The following GNAI3 variants were observed in gnomAD, a reference collection of about 807,000 sequenced individuals.
The protein encoded by GNAI3 is guanine nucleotide-binding protein G(i) subunit alpha-3.
GNAI3 carries 12 observed loss-of-function variants against 41.8 expected under a neutral mutation model. The observed-to-expected ratio is 0.29, with a 90% CI of 0.18 to 0.47. The LOEUF is 0.47. Ranked by LOEUF, GNAI3 falls within the 20% of genes least tolerant of loss-of-function variation. The pLI is 1.00. For synonymous variants in GNAI3, 132 were observed against 146.5 expected (o/e 0.90, Z 0.71); for missense variants, 360 against 429.6 (o/e 0.84, Z 1.43).
intron 1 of GNAI3, among the ~76,000 whole-genome samples, chr1:109,557,174 G>T (rs1648175338): frequency 6.6e-6 from 1 of 152,122 alleles, no homozygotes; most frequent in Non-Finnish European, 1.5e-5. Context: ...GGCCTAAAGT[G>T]ATCTACCCGC....
intron 1 of GNAI3, among the ~76,000 whole-genome samples, chr1:109,551,815 T>G (rs1647987704): frequency 6.6e-6 from 1 of 152,162 alleles, no homozygotes; most frequent in African/African-American, 2.4e-5. Context: ...TTACAGACAC[T>G]TCAGTATTGT....
intron 1 of GNAI3, among the ~76,000 whole-genome samples, chr1:109,555,075 A>G (rs978861287): frequency 1.3e-5 from 2 of 152,242 alleles, no homozygotes; most frequent in Non-Finnish European, 2.9e-5. Flanking sequence ...ATGGATGGGT[A>G]GAATCAATAT....
In GNAI3 at chr1:109,561,528, AG is replaced by A. The variant is rs554221482; in HGVS notation, c.119-12207del. Among the ~76,000 whole-genome samples the A allele has an allele frequency of 2.0e-3, 302 of 152,332 alleles. 2 individuals carry two copies. Among genetic ancestry groups the A allele is most frequent in the Non-Finnish European group, 3.3e-3 (223 of 68,030 alleles). ...CAGGATACACCATTGCATTTAGTCA[AG>A]GCTACTTTTTATTAAGCTTTTTGGT... On this transcript the variant is annotated intron_variant, in intron 1 of 8. Transcript: ENST00000369851.
chr1:109,591,685 CCT>C (rs1649176432), intron 7 of GNAI3: 2 of 399,046 alleles, frequency 5.0e-6, no homozygotes, highest in African/African-American at 2.1e-5. Context: ...AGGAACACAG[CCT>C]CTCTCAGACC....
At chr1:109,565,186 C>A (rs989566733) in intron 1 of GNAI3, among the ~76,000 whole-genome samples, 2 of 151,664 alleles carry the variant, frequency 1.3e-5, no homozygotes, top group Non-Finnish European at 1.5e-5. Flanking sequence ...TCACTTGAAC[C>A]CGGGCAGCAG....
At chr1:109,586,958 G>T in intron 7 of GNAI3, 76 bp downstream of exon 7, 9 of 967,310 alleles carry the variant, frequency 9.3e-6, no homozygotes, top group East Asian at 2.5e-5. Context: ...TCATAAAACT[G>T]CCTTTTTTTT....
chr1:109,598,963 T>C lies in GNAI3; in HGVS notation c.*6641T>C. Reference sequence around the variant, plus strand: ...CCTTCACCACCTTCTCCACCCAGCATGGCCGGCACACTTTGGTCTACGGCA... The same window carrying C: ...CCTTCACCACCTTCTCCACCCAGCACGGCCGGCACACTTTGGTCTACGGCA... On this transcript the variant is annotated 3_prime_UTR_variant, in exon 9 of 9. Transcript: ENST00000369851. 1.9e-6 allele frequency: 1 copy of C among 534,962 alleles called. No homozygotes were observed. The highest frequency in any genetic ancestry group is 1.4e-5 in the South Asian group (1 of 71,796). 33.1% of individuals were successfully genotyped at this position (534,962 alleles called of 1,614,324 possible).
chr1:109,552,468 C>G (rs1648004118), intron 1 of GNAI3, among the ~76,000 whole-genome samples: 1 of 151,996 alleles, frequency 6.6e-6, no homozygotes, highest in Non-Finnish European at 1.5e-5. Context: ...AGATGGGGGT[C>G]TCATTATGTT....
Position 109,582,744 on chromosome 1 carries a change from C to T in GNAI3, c.590+179C>T, listed in dbSNP as rs114926114. The stretch of plus-strand genomic sequence containing the variant: ...GGGGCCCAAACATCTCTTGTTTCTC[C>T]AAATAGCGTCAAATGTTTGTGTCCT... On this transcript the variant is annotated intron_variant, in intron 5 of 8. Coordinates refer to ENST00000369851, the MANE Select transcript of GNAI3 (RefSeq NM_006496.4). Among the ~76,000 whole-genome samples, 1,170 of 152,224 alleles carry T rather than the reference C, an allele frequency of 7.7e-3. 13 individuals carry two copies. Among genetic ancestry groups the T allele is most frequent in the African/African-American group, 0.027 (1,115 of 41,552 alleles).
intron 1 of GNAI3, among the ~76,000 whole-genome samples, chr1:109,558,539 C>A (rs867497754): frequency 6.6e-5 from 10 of 152,076 alleles, no homozygotes; most frequent in South Asian, 2.1e-4. Flanking sequence ...ATTTAATTAC[C>A]TTTGATTTTA....
intron 1 of GNAI3, among the ~76,000 whole-genome samples, chr1:109,568,680 A>G (rs1486560256): frequency 2.0e-5 from 3 of 152,032 alleles, no homozygotes; most frequent in Non-Finnish European, 2.9e-5. Context: ...ATAAACACAG[A>G]TGATTTTCTT....
At chr1:109,568,309 G>A (rs1238510743) in intron 1 of GNAI3, among the ~76,000 whole-genome samples, 24 of 152,010 alleles carry the variant, frequency 1.6e-4, no homozygotes, top group Admixed American at 1.2e-3. Flanking sequence ...TGAGGCGGGA[G>A]GATTGCTTGA....
rs146129509 is a variant in GNAI3, at chr1:109,573,984, A to G, written c.250A>G (p.Ile84Val). 1.2e-6 allele frequency: 2 copies of G among 1,611,824 alleles called. No homozygotes were observed. Among genetic ancestry groups the G allele is most frequent in the East Asian group, 2.2e-5 (1 of 44,860 alleles). ...YSNTIQSIIA[I>V]IRAMGRLKID... ...CAATACTATACAGTCCATCATTGCA[A>G]TCATAAGAGCCATGGGACGGCTAAA... is the stretch of plus-strand genomic sequence containing the variant. The change falls in exon 3 of 9, where the codon ATC becomes GTC. Residue 84 changes from isoleucine to valine, a missense_variant. Ile to Val is a conservative substitution (Grantham distance 29). Transcript: ENST00000369851.
intron 5 of GNAI3, among the ~76,000 whole-genome samples, chr1:109,585,426 A>G (rs1255350044): frequency 6.6e-6 from 1 of 152,226 alleles, no homozygotes; most frequent in African/African-American, 2.4e-5. Context: ...AGGTTTAAGT[A>G]AGACTCGGAG....
chr1:109,577,208 CATTT>C (rs903219465), intron 3 of GNAI3, among the ~76,000 whole-genome samples: 8 of 149,300 alleles, frequency 5.4e-5, no homozygotes, highest in East Asian at 2.0e-4. Flanking sequence ...TTTTCTCATT[CATTT>C]GTTTAAAATT....
intron 1 of GNAI3, among the ~76,000 whole-genome samples, chr1:109,572,314 A>G (rs1648625668): frequency 6.6e-6 from 1 of 151,988 alleles, no homozygotes; most frequent in African/African-American, 2.4e-5. Context: ...CATCTCAAAT[A>G]ATAATAATAA....
At chr1:109,588,210 C>T (rs955742547) in intron 7 of GNAI3, among the ~76,000 whole-genome samples, 5 of 151,846 alleles carry the variant, frequency 3.3e-5, no homozygotes, top group Non-Finnish European at 7.4e-5. Context: ...GAAACCCCGT[C>T]TCCACTAAAA....
intron 3 of GNAI3, 97 bp from the exon 4 acceptor site, chr1:109,579,107 T>G: frequency 1.0e-6 from 1 of 970,272 alleles, no homozygotes; most frequent in Admixed American, 2.4e-5. Flanking sequence ...ACACCTCTTT[T>G]AACATAACAT....
Position 109,586,805 on chromosome 1 carries a change from TCTTC to T in GNAI3, c.801_804del (p.Phe267LeufsTer11). On this transcript the variant is annotated frameshift_variant, in exon 7 of 9. Transcript: ENST00000369851. LOFTEE classifies it high-confidence loss of function. ...TGGTTTACAGAAACTTCAATCATTC[TCTTC>T]CTTAACAAGAAAGACCTTTTTGAGG... 1 of 1,595,702 alleles carries T rather than the reference TCTTC, an allele frequency of 6.3e-7. No individual in the cohort carries two copies. The highest frequency in any genetic ancestry group is 8.6e-7 in the Non-Finnish European group (1 of 1,163,482).
Sources: allele counts gnomAD v4.1 joint callset (sites outside exome capture counted in the v4.1 genomes callset), GRCh38; gene constraint gnomAD v4.1.1; transcripts MANE v1.5; gene names NCBI Gene and HGNC (gene_info 2026-07-23, HGNC 2026-07-21).